RAB28: variants seen among roughly 807,000 people sequenced by gnomAD.
The protein encoded by RAB28 is ras-related protein Rab-28.
A neutral mutation model predicts 31.7 loss-of-function variants in RAB28; 24 were observed. The observed-to-expected ratio is 0.76, with a 90% CI of 0.55 to 1.06. The LOEUF (loss-of-function observed/expected upper bound fraction) is 1.06, where lower values mean the gene tolerates loss of function less well. RAB28 is among the 50% of genes least tolerant of loss of function. RAB28 has a pLI of 0.00. For synonymous variants in RAB28, 100 were observed against 90.4 expected (o/e 1.11, Z -0.60); for missense variants, 254 against 258.5 (o/e 0.98, Z 0.12).
chr4:13,459,697 A>G (rs1653660708), intron 4 of RAB28: 1 of 926,328 alleles, frequency 1.1e-6, no homozygotes, highest in Non-Finnish European at 1.3e-6. Context: ...AAAAAAAATT[A>G]TATTTCAGAA....
At chr4:13,410,193 T>G (rs1349054310) in intron 4 of RAB28, among the ~76,000 whole-genome samples, 1 of 152,150 alleles carries the variant, frequency 6.6e-6, no homozygotes, top group Non-Finnish European at 1.5e-5. Context: ...TCTTTATAAA[T>G]TACCCAGTTT....
chr4:13,369,785 C>G, intron 6 of RAB28: 3 of 1,242,244 alleles, frequency 2.4e-6, no homozygotes, highest in Non-Finnish European at 3.2e-6. Flanking sequence ...CTGAACTTCC[C>G]TATTCATAGG....
chr4:13,417,907 G>A (rs1434606505), intron 4 of RAB28, among the ~76,000 whole-genome samples: 3 of 152,222 alleles, frequency 2.0e-5, no homozygotes, highest in African/African-American at 7.2e-5. Context: ...ACTTTGATGA[G>A]CTGACAGAAG....
At chr4:13,388,710 T>C (rs1164243971) in intron 4 of RAB28, among the ~76,000 whole-genome samples, 3 of 152,002 alleles carry the variant, frequency 2.0e-5, no homozygotes, top group East Asian at 1.9e-4. Context: ...AAGGCTTGAA[T>C]AGATATTTCC....
chr4:13,456,578 T>C (rs1393273728), intron 4 of RAB28, among the ~76,000 whole-genome samples: 1 of 152,230 alleles, frequency 6.6e-6, no homozygotes, highest in Non-Finnish European at 1.5e-5. Flanking sequence ...TGCTCTTGAA[T>C]GAAGAAATTG....
rs530340547 is a variant in RAB28, at chr4:13,445,830, G to C, written c.391+14869C>G. 8.3e-4 allele frequency among the ~76,000 whole-genome samples: 126 copies of C among 152,328 alleles called. 1 individual carries two copies. Among genetic ancestry groups the C allele is most frequent in the African/African-American group, 3.0e-3 (125 of 41,578 alleles). On this transcript the variant is annotated intron_variant, in intron 4 of 6. Coordinates refer to ENST00000330852, the MANE Select transcript of RAB28 (RefSeq NM_001017979.3). Reference sequence around the variant, plus strand: ...GGTCTCTCCCAGTCAGGAGGCACAGGGTCAGGGACCTGCTTGAGGGAGCAG... The same window carrying C: ...GGTCTCTCCCAGTCAGGAGGCACAGCGTCAGGGACCTGCTTGAGGGAGCAG...
chr4:13,449,009 CA>C (rs1031676240), intron 4 of RAB28, among the ~76,000 whole-genome samples: 48 of 151,682 alleles, frequency 3.2e-4, no homozygotes, highest in African/African-American at 1.1e-3. Context: ...TTATCTGGAA[CA>C]AAAAAGAAGC....
At chr4:13,470,092 A>G (rs1716048491) in intron 3 of RAB28, among the ~76,000 whole-genome samples, 1 of 152,134 alleles carries the variant, frequency 6.6e-6, no homozygotes, top group Non-Finnish European at 1.5e-5. Flanking sequence ...TACTAAATAA[A>G]CACAGTACAC....
At chr4:13,456,057 T>C (rs1418542978) in intron 4 of RAB28, among the ~76,000 whole-genome samples, 2 of 152,202 alleles carry the variant, frequency 1.3e-5, no homozygotes, top group African/African-American at 4.8e-5. Context: ...AAGATTAAGA[T>C]CTAGGTTGGC....
At chr4:13,371,804 TA>T in intron 6 of RAB28, 1 of 1,547,540 alleles carries the variant, frequency 6.5e-7, no homozygotes, top group South Asian at 1.2e-5. Context: ...CCTTTATTTT[TA>T]GAGCCACAAA....
intron 4 of RAB28, among the ~76,000 whole-genome samples, chr4:13,384,406 A>T (rs374035166): frequency 1.3e-5 from 2 of 152,304 alleles, no homozygotes. Context: ...GCACATGCAA[A>T]CAAGGACAAA....
intron 4 of RAB28, among the ~76,000 whole-genome samples, chr4:13,403,693 T>A (rs956744640): frequency 2.0e-5 from 3 of 152,206 alleles, no homozygotes; most frequent in African/African-American, 7.2e-5. Flanking sequence ...ACCAAGTACA[T>A]CATTTTAAGA....
chr4:13,464,235 C>G (rs963875546), intron 3 of RAB28, among the ~76,000 whole-genome samples: 1 of 151,964 alleles, frequency 6.6e-6, no homozygotes, highest in Non-Finnish European at 1.5e-5. Flanking sequence ...ACCAGATTAT[C>G]AGTAAAGAGC....
intron 5 of RAB28, among the ~76,000 whole-genome samples, chr4:13,378,958 C>G (rs1729024619): frequency 6.6e-6 from 1 of 152,014 alleles, no homozygotes; most frequent in Non-Finnish European, 1.5e-5. Context: ...CACCTGTAAC[C>G]CCAACACTTT....
intron 4 of RAB28, among the ~76,000 whole-genome samples, chr4:13,448,662 CAACA>C (rs1714818239): frequency 6.6e-6 from 1 of 152,018 alleles, no homozygotes; most frequent in South Asian, 2.1e-4. Context: ...TCAGTAACAA[CAACA>C]GTCTGAAGGC....
intron 4 of RAB28, among the ~76,000 whole-genome samples, chr4:13,427,166 G>C (rs762971440): frequency 1.3e-5 from 2 of 152,036 alleles, no homozygotes; most frequent in African/African-American, 4.8e-5. Flanking sequence ...CATTAAAACA[G>C]CTACCCCAAA....
intron 4 of RAB28, among the ~76,000 whole-genome samples, chr4:13,415,767 G>A (rs145657020): frequency 0.02 from 3,028 of 152,266 alleles, 32 homozygotes; most frequent in African/African-American, 0.031. Context: ...TGAGGCGTGC[G>A]GGCGCACGGC....
chr4:13,368,207 C>T lies in RAB28; in HGVS notation c.*351G>A. 2 of 994,004 alleles carry T rather than the reference C, an allele frequency of 2.0e-6. No individual in the cohort carries two copies. The highest frequency in any genetic ancestry group is 1.2e-6 in the Non-Finnish European group (1 of 835,798). 61.6% of individuals were successfully genotyped at this position (994,004 alleles called of 1,614,324 possible). On this transcript the variant is annotated 3_prime_UTR_variant, in exon 7 of 7. Transcript: ENST00000330852. ...TGAAATTGCTGTGGCAAAATCCTGG[C>T]TGATGATCAAGACTTGGAGAGTTTT...
At chr4:13,458,021 G>C (rs1016933306) in intron 4 of RAB28, among the ~76,000 whole-genome samples, 1 of 152,086 alleles carries the variant, frequency 6.6e-6, no homozygotes, top group African/African-American at 2.4e-5. Flanking sequence ...AAAATGAGAA[G>C]CTGAACCCAG....
Sources: allele counts gnomAD v4.1 joint callset (sites outside exome capture counted in the v4.1 genomes callset), GRCh38; gene constraint gnomAD v4.1.1; transcripts MANE v1.5; gene names NCBI Gene and HGNC (gene_info 2026-07-23, HGNC 2026-07-21).